ZBTB11: variants seen among roughly 807,000 people sequenced by gnomAD.
ZBTB11 encodes zinc finger and BTB domain containing 11, also known as zinc finger and BTB domain-containing protein 11.
In ZBTB11, 68 loss-of-function variants were observed where a neutral mutation model predicts 113.1. The observed-to-expected ratio is 0.60, with a 90% CI of 0.49 to 0.74. The LOEUF (loss-of-function observed/expected upper bound fraction) is 0.74, where lower values mean the gene tolerates loss of function less well. Ranked by LOEUF, ZBTB11 falls within the 30% of genes least tolerant of loss-of-function variation. ZBTB11 has a pLI of 0.00. For synonymous variants in ZBTB11, 518 were observed against 452.6 expected (o/e 1.14, Z -1.83); for missense variants, 1,104 against 1,279.4 (o/e 0.86, Z 2.09).
chr3:101,665,284 A>C lies in ZBTB11; in HGVS notation c.1303T>G (p.Ser435Ala). The C allele has an allele frequency of 6.2e-7, 1 of 1,614,204 alleles. No homozygotes were observed. Residue 435 changes from serine (S) to alanine (A), a missense_variant, in exon 4 of 11, where the codon TCT (serine) becomes GCT (alanine). Transcript: ENST00000312938. ...TSNNRENNTV[S>A]NIHPKLSKEN... Reference sequence around the variant, plus strand: ...TTTGAAAGTTTAGGGTGTATATTAGAAACTGTGTTATTTTCTCTGTTGTTT... The same window carrying C: ...TTTGAAAGTTTAGGGTGTATATTAGCAACTGTGTTATTTTCTCTGTTGTTT...
chr3:101,664,567 G>C lies in ZBTB11; in HGVS notation c.1771C>G (p.His591Asp). ...RYALIMHKLK[H>D]ERARDYKCPL... The stretch of plus-strand genomic sequence containing the variant: ...CATTTGTAATCTCTAGCTCTTTCAT[G>C]TTTCAGTTTGTGCATTATAAGGGCG... The change falls in exon 5 of 11, where the codon CAT (histidine) becomes GAT (aspartate). Residue 591 changes from histidine (H) to aspartate (D), a missense_variant. Around this residue, in one of 5 missense-constraint regions of ZBTB11, gnomAD observed 535 missense variants for 518.6 expected, o/e 1.03. Coordinates refer to ENST00000312938, the MANE Select transcript of ZBTB11 (RefSeq NM_014415.4). 1 of 1,606,566 alleles carries C rather than the reference G, an allele frequency of 6.2e-7. No individual in the cohort carries two copies. The highest frequency in any genetic ancestry group is 8.5e-7 in the Non-Finnish European group (1 of 1,178,192).
At chr3:101,670,173 T>A (rs2108326710) in intron 3 of ZBTB11, among the ~76,000 whole-genome samples, 1 of 152,246 alleles carries the variant, frequency 6.6e-6, no homozygotes, top group Admixed American at 6.5e-5. Context: ...TAAGGAAAAA[T>A]GTATCTTCCC....
chr3:101,671,923 CA>C (rs775827433), intron 2 of ZBTB11, 54 bp downstream of exon 2: 2 of 1,392,904 alleles, frequency 1.4e-6, no homozygotes, highest in Admixed American at 3.3e-5. Flanking sequence ...ACCAAGGCTG[CA>C]AATACTAGTA....
At position 101,664,731 on chromosome 3, in the gene ZBTB11, A is replaced by T. The variant is rs775752035; in HGVS notation, c.1624-17T>A. On this transcript the variant is annotated splice_polypyrimidine_tract_variant and intron_variant, in intron 4 of 10. Coordinates refer to ENST00000312938, the MANE Select transcript of ZBTB11 (RefSeq NM_014415.4). ...CTGAGCCACCTAGTAAGGGATAGAA[A>T]TCACAATCTAAGTAAATCTACTCAA... 1 of 1,570,478 alleles carries T rather than the reference A, an allele frequency of 6.4e-7. No homozygotes were observed. The highest frequency in any genetic ancestry group is 8.6e-7 in the Non-Finnish European group (1 of 1,164,726).
intron 6 of ZBTB11, among the ~76,000 whole-genome samples, chr3:101,658,727 G>A (rs574323769): frequency 7.2e-5 from 11 of 152,224 alleles, no homozygotes; most frequent in African/African-American, 9.6e-5. Context: ...ATGATACAAC[G>A]GACTTTGGGG....
chr3:101,671,052 G>A (rs536839736), intron 3 of ZBTB11, 78 bp downstream of exon 3: 13 of 1,205,148 alleles, frequency 1.1e-5, no homozygotes, highest in Admixed American at 8.2e-5. Context: ...CATAAAGTCC[G>A]TGTGTGGAAG....
At chr3:101,658,025 T>C (rs1936826846) in intron 6 of ZBTB11, among the ~76,000 whole-genome samples, 1 of 152,142 alleles carries the variant, frequency 6.6e-6, no homozygotes, top group South Asian at 2.1e-4. Flanking sequence ...ATGAAAAAGA[T>C]ACTTGCACAT....
chr3:101,662,422 C>G (rs994996239), intron 5 of ZBTB11, among the ~76,000 whole-genome samples: 7 of 152,180 alleles, frequency 4.6e-5, no homozygotes, highest in Non-Finnish European at 7.4e-5. Context: ...GTCAGGAGTT[C>G]GAGACCAGCC....
At chr3:101,676,208 G>A (rs114139530) in intron 1 of ZBTB11, among the ~76,000 whole-genome samples, 9,739 of 152,240 alleles carry the variant, frequency 0.064, 332 homozygotes, top group Middle Eastern at 0.12. Context: ...CCTTCCAAAC[G>A]TCAGCACAGT....
chr3:101,663,988 C>T (rs1297595394), intron 5 of ZBTB11, among the ~76,000 whole-genome samples: 3 of 152,336 alleles, frequency 2.0e-5, no homozygotes, highest in Non-Finnish European at 4.4e-5. Flanking sequence ...GAGTACAGTA[C>T]ATTTAGCTTC....
At chr3:101,676,565 G>A (rs753686214) in intron 1 of ZBTB11, 40 bp downstream of exon 1, 17 of 1,447,466 alleles carry the variant, frequency 1.2e-5, no homozygotes, top group Non-Finnish European at 1.2e-5. Flanking sequence ...CCCAGGCAAC[G>A]AGTCGCCAGC....
chr3:101,650,588 A>C lies in ZBTB11; in HGVS notation c.*578T>G, dbSNP rs927874219. 6.5e-6 allele frequency: 1 copy of C among 152,686 alleles called. No homozygotes were observed. The highest frequency in any genetic ancestry group is 1.9e-4 in the East Asian group (1 of 5,206). 9.5% of individuals were successfully genotyped at this position (152,686 alleles called of 1,614,324 possible). A position where few individuals can be genotyped will look rare whatever the true frequency, so the allele number is the denominator to read the frequency against. On this transcript the variant is annotated 3_prime_UTR_variant, in exon 11 of 11. Transcript: ENST00000312938. ...TAACTCATAAGTGCTTTAAAATAGA[A>C]TAAAGCATCCCTGACTTAAAAGGGG... is the stretch of plus-strand genomic sequence containing the variant.
rs774517453 is a variant in ZBTB11 at position 101,676,824 on chromosome 3, G to A, written c.91C>T (p.Arg31Cys). Reference protein sequence around the residue: ...YAPGTEGNVKRKIRKAAACYV... With the variant: ...YAPGTEGNVKCKIRKAAACYV... ...CAGGCGGCAGCTTTTCGGATTTTACGCTTGACATTGCCCTCGGTGCCCGGC... is the reference window on the plus strand; with the variant it reads ...CAGGCGGCAGCTTTTCGGATTTTACACTTGACATTGCCCTCGGTGCCCGGC... The change falls in exon 1 of 11, where the codon CGT becomes TGT. Residue 31 changes from arginine to cysteine, a missense_variant. Around this residue, in one of 5 missense-constraint regions of ZBTB11, gnomAD observed 245 missense variants for 272.5 expected, o/e 0.90. Transcript: ENST00000312938. The A allele has an allele frequency of 1.9e-6, 3 of 1,612,650 alleles. No homozygotes were observed. The highest frequency in any genetic ancestry group is 1.1e-5 in the South Asian group (1 of 91,020).
intron 6 of ZBTB11, among the ~76,000 whole-genome samples, chr3:101,658,634 GACC>G (rs1199089802): frequency 6.6e-6 from 1 of 152,130 alleles, no homozygotes; most frequent in Non-Finnish European, 1.5e-5. Flanking sequence ...AATGACCGGA[GACC>G]ACTACTCTAA....
At chr3:101,669,717 C>T (rs1170522435) in intron 3 of ZBTB11, among the ~76,000 whole-genome samples, 1 of 152,044 alleles carries the variant, frequency 6.6e-6, no homozygotes, top group African/African-American at 2.4e-5. Flanking sequence ...GTAATGCCAA[C>T]TCTAAGCTCC....
At chr3:101,671,423 C>T in intron 2 of ZBTB11, 62 bp from the exon 3 acceptor site, 1 of 1,259,172 alleles carries the variant, frequency 7.9e-7, no homozygotes. Flanking sequence ...CCTTAACAAG[C>T]TTTAAAACAA....
At chr3:101,669,260 C>T (rs115070626) in intron 3 of ZBTB11, among the ~76,000 whole-genome samples, 6,051 of 152,296 alleles carry the variant, frequency 0.04, 429 homozygotes, top group African/African-American at 0.14. Flanking sequence ...TCTCGAACTT[C>T]TGAGCTCAAG....
At chr3:101,672,589 G>A (rs765166527) in intron 1 of ZBTB11, among the ~76,000 whole-genome samples, 6 of 152,270 alleles carry the variant, frequency 3.9e-5, no homozygotes, top group Admixed American at 6.5e-5. Context: ...GATGGCGCAC[G>A]CCTGTAATCC....
intron 5 of ZBTB11, among the ~76,000 whole-genome samples, chr3:101,661,754 G>A (rs929904345): frequency 6.6e-6 from 1 of 151,866 alleles, no homozygotes; most frequent in African/African-American, 2.4e-5. Context: ...CACTGTTCTG[G>A]GCATTCAGCG....
Sources: gnomAD v4.1 joint callset for allele counts (sites outside exome capture counted in the v4.1 genomes callset) on GRCh38, gnomAD v4.1.1 for gene constraint, gnomAD v4.1.1 regional missense constraint, MANE v1.5 for transcripts, NCBI Gene and HGNC (gene_info 2026-07-23, HGNC 2026-07-21) for gene names.